Variants in FAM151A observed in about 807,000 individuals in gnomAD.
FAM151A encodes the protein protein FAM151A.
FAM151A carries 41 observed loss-of-function variants against 40.4 expected under a neutral mutation model. The ratio of observed to expected loss-of-function variants is 1.01; its 90% CI spans 0.79 to 1.32. The LOEUF is 1.32. Among genes scored for constraint, FAM151A ranks in the 40% most tolerant of loss-of-function variants. FAM151A has a pLI of 0.00. For synonymous variants in FAM151A, 337 were observed against 312.5 expected, an observed-to-expected ratio of 1.08 and a Z score of -0.83; for missense variants, 740 against 740.4, an observed-to-expected ratio of 1.00 and a Z score of 0.01.
At chr1:54,611,360 G>A (rs112840610) in intron 6 of FAM151A, among the ~76,000 whole-genome samples, 8,614 of 152,056 alleles carry the variant, frequency 0.057, 365 homozygotes, top group East Asian at 0.17. Context: ...AGATTGCGCC[G>A]CTGCACTCCA....
At chr1:54,615,647 C>T (rs951938445) in intron 3 of FAM151A, among the ~76,000 whole-genome samples, 6 of 151,868 alleles carry the variant, frequency 4.0e-5, no homozygotes, top group Admixed American at 6.6e-5. Flanking sequence ...ATTATGGTGA[C>T]GCCTGGATTC....
intron 1 of FAM151A, among the ~76,000 whole-genome samples, chr1:54,622,275 C>CAAAA (rs34730286): frequency 1.2e-3 from 53 of 45,924 alleles, no homozygotes; most frequent in Non-Finnish European, 1.8e-3. Context: ...GACTCTGTCT[C>CAAAA]AAAAAAAAAA....
intron 1 of FAM151A, among the ~76,000 whole-genome samples, chr1:54,622,987 C>T (rs965746869): frequency 1.3e-5 from 2 of 151,824 alleles, no homozygotes; most frequent in African/African-American, 4.8e-5. Flanking sequence ...CCAGCCTGGC[C>T]AACATGGTGA....
chr1:54,617,311 G>A (rs1340221875), intron 2 of FAM151A, among the ~76,000 whole-genome samples: 1 of 152,048 alleles, frequency 6.6e-6, no homozygotes, highest in African/African-American at 2.4e-5. Context: ...CATCACAAAC[G>A]ACTGATGCCA....
chr1:54,615,982 G>A lies in FAM151A; in HGVS notation c.415+38C>T, dbSNP rs1262291777. ...TGCACATGCTGCCCCAGGGCCAGAG[G>A]GCTGGGGGCCGGAGAGGGTTTCCAG... is the stretch of plus-strand genomic sequence containing the variant. On this transcript the variant is annotated intron_variant, in intron 3 of 7. Transcript: ENST00000302250. 4 of 1,607,728 alleles carry A rather than the reference G, an allele frequency of 2.5e-6. No individual in the cohort carries two copies. In the East Asian group the frequency reaches 6.7e-5, roughly 27 times the overall value.
In FAM151A at chr1:54,614,784, C is replaced by T; in HGVS notation, c.491G>A (p.Gly164Asp). Reference sequence around the variant, plus strand: ...GATCCATATGGGCCGCCGGACTTTGCCTTCCTCTGTCAGCTGCCGCAGGAG... The same window carrying T: ...GATCCATATGGGCCGCCGGACTTTGTCTTCCTCTGTCAGCTGCCGCAGGAG... Reference protein sequence around the residue: ...LDLLRQLTEEGKVRRPIWINA... With the variant: ...LDLLRQLTEEDKVRRPIWINA... The change falls in exon 4 of 8, where the codon GGC becomes GAC. Residue 164 changes from glycine to aspartate, a missense_variant. Gly to Asp is a moderately conservative substitution (Grantham distance 94). Coordinates refer to ENST00000302250, the MANE Select transcript of FAM151A (RefSeq NM_176782.3). The T allele has an allele frequency of 6.2e-7, 1 of 1,614,102 alleles. No individual in the cohort carries two copies. The highest frequency in any genetic ancestry group is 2.2e-5 in the East Asian group (1 of 44,872).
intron 5 of FAM151A, 96 bp from the exon 6 acceptor site, chr1:54,611,841 G>T: frequency 2.0e-6 from 3 of 1,466,550 alleles, no homozygotes; most frequent in Non-Finnish European, 2.8e-6. Context: ...TGGGCGCAGG[G>T]TAGAGCATCT....
At chr1:54,611,796 C>T in intron 5 of FAM151A, 51 bp from the exon 6 acceptor site, 2 of 1,608,136 alleles carry the variant, frequency 1.2e-6, no homozygotes, top group Non-Finnish European at 1.7e-6. Flanking sequence ...GCAAGACCCT[C>T]AGCCCCACTC....
intron 2 of FAM151A, among the ~76,000 whole-genome samples, chr1:54,617,112 G>T (rs1644180897): frequency 6.6e-6 from 1 of 152,204 alleles, no homozygotes; most frequent in Non-Finnish European, 1.5e-5. Context: ...CACTGACACT[G>T]AGTTATCTTT....
intron 3 of FAM151A, among the ~76,000 whole-genome samples, chr1:54,615,065 C>T (rs1644158425): frequency 7.1e-6 from 1 of 140,380 alleles, no homozygotes; most frequent in Admixed American, 7.3e-5. Context: ...GAAGAAGGGC[C>T]TGCCTCTAGA....
chr1:54,610,363 C>T lies in FAM151A; in HGVS notation c.1084+49G>A, dbSNP rs1320591301. 3.8e-6 allele frequency: 6 copies of T among 1,595,260 alleles called. No homozygotes were observed. In the African/African-American group the frequency reaches 5.4e-5, roughly 14 times the overall value. On this transcript the variant is annotated intron_variant, in intron 7 of 7. Coordinates refer to ENST00000302250, the MANE Select transcript of FAM151A (RefSeq NM_176782.3). Reference sequence around the variant, plus strand: ...GGCGGTACCTGCCCCAAGCAAAGGACACCCCTGCAGATGAGCTGGGAGCAC... The same window carrying T: ...GGCGGTACCTGCCCCAAGCAAAGGATACCCCTGCAGATGAGCTGGGAGCAC...
At chr1:54,617,762 T>C (rs1404543475) in intron 2 of FAM151A, among the ~76,000 whole-genome samples, 1 of 133,834 alleles carries the variant, frequency 7.5e-6, no homozygotes, top group Non-Finnish European at 1.5e-5. Flanking sequence ...CTCGCTCTGT[T>C]GCCCAGGCTG....
intron 1 of FAM151A, among the ~76,000 whole-genome samples, chr1:54,622,818 G>A (rs1644243059): frequency 7.3e-6 from 1 of 136,286 alleles, no homozygotes; most frequent in Non-Finnish European, 1.5e-5. Flanking sequence ...TGTAGGGTTG[G>A]GGGATGGAAG....
rs575629767 is a variant in FAM151A, at chr1:54,620,578, C to T, written c.119-571G>A. Reference sequence around the variant, plus strand: ...AAAATTAGCTGGATGGACGTGGTGGCAGGAGCCTGTAATCCCAGCACTTTG... The same window carrying T: ...AAAATTAGCTGGATGGACGTGGTGGTAGGAGCCTGTAATCCCAGCACTTTG... On this transcript the variant is annotated intron_variant, in intron 1 of 7. Coordinates refer to ENST00000302250, the MANE Select transcript of FAM151A (RefSeq NM_176782.3). 1.2e-4 allele frequency among the ~76,000 whole-genome samples: 18 copies of T among 151,726 alleles called. No homozygotes were observed. In the East Asian group the frequency reaches 3.5e-3, roughly 30 times the overall value.
rs529466824 is a variant in FAM151A at position 54,616,183 on chromosome 1, G to A, written c.263-11C>T. The A allele has an allele frequency of 9.4e-6, 15 of 1,603,744 alleles. No individual in the cohort carries two copies. The African/African-American group carries it at 1.9e-4, about 20-fold the overall frequency. ...GGACTGTGATGTTGCCTGTGGAAGG[G>A]GCAACAACTCAGTGAGTTCCTTTTT... On this transcript the variant is annotated splice_polypyrimidine_tract_variant and intron_variant, in intron 2 of 7. Transcript: ENST00000302250.
intron 2 of FAM151A, among the ~76,000 whole-genome samples, chr1:54,618,474 C>T (rs1644197460): frequency 6.6e-6 from 1 of 152,118 alleles, no homozygotes; most frequent in African/African-American, 2.4e-5. Context: ...CAGTGCACTC[C>T]AGCCTGGGCA....
chr1:54,622,550 CAGAG>C (rs967619977), intron 1 of FAM151A, among the ~76,000 whole-genome samples: 1 of 150,188 alleles, frequency 6.7e-6, no homozygotes, highest in African/African-American at 2.5e-5. Flanking sequence ...AGCCTGGCGA[CAGAG>C]AGAGACTCCG....
intron 1 of FAM151A, 47 bp downstream of exon 1, chr1:54,623,231 G>A (rs201552777): frequency 2.1e-5 from 26 of 1,253,912 alleles, no homozygotes; most frequent in South Asian, 6.1e-5. Context: ...GATAAGGAGC[G>A]AGCGATGAGG....
chr1:54,612,393 G>T, intron 5 of FAM151A, 93 bp downstream of exon 5: 1 of 879,186 alleles, frequency 1.1e-6, no homozygotes, highest in Non-Finnish European at 1.8e-6. Context: ...TGGACGAAAT[G>T]ACCTTTAAGA....
Sources: gnomAD v4.1 joint callset for allele counts (sites outside exome capture counted in the v4.1 genomes callset) on GRCh38, gnomAD v4.1.1 for gene constraint, MANE v1.5 for transcripts, NCBI Gene and HGNC (gene_info 2026-07-23, HGNC 2026-07-21) for gene names.